N4BP1: variants seen among roughly 807,000 people sequenced by gnomAD.
N4BP1 encodes NEDD4 binding protein 1.
In N4BP1, 21 loss-of-function variants were observed where a neutral mutation model predicts 70.9. That is an observed-to-expected ratio of 0.30 (90% CI 0.21 to 0.43). The LOEUF (loss-of-function observed/expected upper bound fraction) is 0.43. Among genes scored for constraint, N4BP1 ranks in the 20% least tolerant of loss-of-function variants. The pLI is 1.00. For synonymous variants in N4BP1, 387 were observed against 394.6 expected, an observed-to-expected ratio of 0.98 and a Z score of 0.23; for missense variants, 936 against 1,069.4, an observed-to-expected ratio of 0.88 and a Z score of 1.74.
rs1964659941 is a variant in N4BP1 at position 48,609,990 on chromosome 16, G to A, written c.-18C>T. On this transcript the variant is annotated 5_prime_UTR_variant, in exon 1 of 7. Coordinates refer to ENST00000262384, the MANE Select transcript of N4BP1 (RefSeq NM_153029.4). The stretch of plus-strand genomic sequence containing the variant: ...GCCGCCATGGCGGGCGCGGCCTCCC[G>A]CGGCGGCGCCGGGGGCCGGCGGCGG... 3.4e-6 allele frequency: 4 copies of A among 1,180,082 alleles called. No homozygotes were observed. The highest frequency in any genetic ancestry group is 4.1e-5 in the South Asian group (1 of 24,106). The allele number at this position is 1,180,082 out of a possible 1,614,324, so 73.1% of individuals were successfully genotyped here.
In N4BP1 at chr16:48,560,896, A is replaced by T. The variant is rs755756184; in HGVS notation, c.1747T>A (p.Ser583Thr). 3.1e-6 allele frequency: 5 copies of T among 1,614,008 alleles called. No homozygotes were observed. In the South Asian group the frequency reaches 5.5e-5, roughly 18 times the overall value. The change falls in exon 2 of 7, where the codon TCT (serine) becomes ACT (threonine). Residue 583 changes from serine (S) to threonine (T), a missense_variant. Physicochemically the swap from Ser to Thr is moderately conservative, Grantham distance 58. This residue lies in a region of N4BP1 where 515 missense variants were observed against 491.7 expected (regional missense o/e 1.05). Transcript: ENST00000262384. ...GTAACTGAGGAATCAATATGATCAG[A>T]AGGTCCTGCCGACCTTGCATCAGTA... ...SVTDARSAGP[S>T]DHIDSSVTGV...
chr16:48,608,670 G>C (rs1480549267), intron 1 of N4BP1, among the ~76,000 whole-genome samples: 1 of 150,544 alleles, frequency 6.6e-6, no homozygotes, highest in African/African-American at 2.4e-5. Flanking sequence ...GGGGGAAGTA[G>C]ATAGAGGTGC....
chr16:48,609,137 CCCGGGAAGT>C (rs1361502922), intron 1 of N4BP1, among the ~76,000 whole-genome samples: 1 of 152,016 alleles, frequency 6.6e-6, no homozygotes, highest in East Asian at 1.9e-4. Flanking sequence ...ATCACTTGAG[CCCGGGAAGT>C]CGAGGCTGCA....
At chr16:48,584,180 G>C (rs1019731031) in intron 1 of N4BP1, among the ~76,000 whole-genome samples, 1 of 152,180 alleles carries the variant, frequency 6.6e-6, no homozygotes, top group Non-Finnish European at 1.5e-5. Context: ...CTGACCATAT[G>C]GTGATCTGTC....
At chr16:48,543,799 G>A (rs1157307970) in intron 6 of N4BP1, among the ~76,000 whole-genome samples, 3 of 152,122 alleles carry the variant, frequency 2.0e-5, no homozygotes, top group Non-Finnish European at 4.4e-5. Context: ...CCTCCCACTG[G>A]ACTCGGCCTG....
At chr16:48,552,467 AGGTGGGT>A (rs1224854112) in intron 3 of N4BP1, among the ~76,000 whole-genome samples, 4 of 151,850 alleles carry the variant, frequency 2.6e-5, no homozygotes, top group Non-Finnish European at 5.9e-5. Flanking sequence ...TGGGAGGGTG[AGGTGGGT>A]GGATAACAAG....
intron 1 of N4BP1, among the ~76,000 whole-genome samples, chr16:48,563,132 T>C (rs1481288959): frequency 6.6e-6 from 1 of 151,636 alleles, no homozygotes; most frequent in Non-Finnish European, 1.5e-5. Context: ...GGTATTGAAA[T>C]AAAAAATTTA....
intron 1 of N4BP1, among the ~76,000 whole-genome samples, chr16:48,567,610 T>C (rs2354579): frequency 0.4 from 61,324 of 152,062 alleles, 13,333 homozygotes; most frequent in African/African-American, 0.56. Context: ...AGAGCCACCA[T>C]GCTCGGCCCC....
chr16:48,607,174 C>A (rs1964595547), intron 1 of N4BP1, among the ~76,000 whole-genome samples: 1 of 152,180 alleles, frequency 6.6e-6, no homozygotes, highest in South Asian at 2.1e-4. Flanking sequence ...AACTGTAAGA[C>A]ACACCTTTCC....
chr16:48,568,355 T>C (rs1963970994), intron 1 of N4BP1, among the ~76,000 whole-genome samples: 2 of 152,268 alleles, frequency 1.3e-5, no homozygotes, highest in African/African-American at 2.4e-5. Flanking sequence ...TCATACATTA[T>C]ATTTACATGC....
At chr16:48,581,268 C>T (rs1337614637) in intron 1 of N4BP1, among the ~76,000 whole-genome samples, 1 of 150,090 alleles carries the variant, frequency 6.7e-6, no homozygotes, top group Admixed American at 6.6e-5. Context: ...AAAATCCCAA[C>T]ACTTCAACAC....
intron 4 of N4BP1, 76 bp downstream of exon 4, chr16:48,551,310 G>A (rs896428540): frequency 2.4e-5 from 25 of 1,062,982 alleles, no homozygotes; most frequent in Non-Finnish European, 3.5e-5. Context: ...TAAAAGTGTG[G>A]ACCTGTCCAG....
intron 6 of N4BP1, 29 bp downstream of exon 6, chr16:48,546,118 A>C (rs767301645): frequency 6.9e-7 from 1 of 1,442,522 alleles, no homozygotes; most frequent in Non-Finnish European, 9.7e-7. Flanking sequence ...TAGAAGTTTT[A>C]ATACAAGACA....
At position 48,609,813 on chromosome 16, in the gene N4BP1, G is replaced by A. The variant is rs763900128; in HGVS notation, c.160C>T (p.Gln54Ter). Reference sequence around the variant, plus strand: ...ACCGCCTCCTGCGCCCCGCAGAGCTGCAGCCAGATGCGCGCGGGCAGCGGC... The same window carrying A: ...ACCGCCTCCTGCGCCCCGCAGAGCTACAGCCAGATGCGCGCGGGCAGCGGC... ...EEPLPARIWL[Q>*]LCGAQEAVHS... The change falls in exon 1 of 7, where the codon CAG (glutamine) becomes TAG (stop). Residue 54 changes from glutamine to a stop codon, truncating the protein, a stop_gained. Transcript: ENST00000262384. LOFTEE classifies it high-confidence loss of function. 1 of 1,484,522 alleles carries A rather than the reference G, an allele frequency of 6.7e-7. No individual in the cohort carries two copies. The highest frequency in any genetic ancestry group is 2.2e-4 in the Middle Eastern group (1 of 4,576). 92.0% of individuals were successfully genotyped at this position (1,484,522 alleles called of 1,614,324 possible).
At chr16:48,582,193 G>GT (rs1964183551) in intron 1 of N4BP1, among the ~76,000 whole-genome samples, 2 of 152,200 alleles carry the variant, frequency 1.3e-5, no homozygotes, top group Admixed American at 6.5e-5. Flanking sequence ...ACAGTAGTGA[G>GT]TCCCCCCTTA....
At chr16:48,557,973 A>C (rs1272794135) in intron 2 of N4BP1, among the ~76,000 whole-genome samples, 6 of 152,028 alleles carry the variant, frequency 3.9e-5, no homozygotes, top group African/African-American at 1.2e-4. Context: ...TCCAACTTCC[A>C]AAAAAAATTG....
At chr16:48,555,792 C>G (rs981710925) in intron 2 of N4BP1, among the ~76,000 whole-genome samples, 2 of 152,198 alleles carry the variant, frequency 1.3e-5, no homozygotes, top group Non-Finnish European at 2.9e-5. Context: ...CACAACAGAA[C>G]AACCTGCTGG....
At chr16:48,548,585 G>A (rs933518888) in intron 4 of N4BP1, among the ~76,000 whole-genome samples, 15 of 152,080 alleles carry the variant, frequency 9.9e-5, no homozygotes, top group Admixed American at 6.5e-4. Flanking sequence ...GGTGGCTCAC[G>A]CCTGTAATCC....
intron 1 of N4BP1, among the ~76,000 whole-genome samples, chr16:48,590,171 C>A (rs1019766117): frequency 1.3e-5 from 2 of 152,122 alleles, no homozygotes; most frequent in Non-Finnish European, 2.9e-5. Context: ...GCTGACACCA[C>A]CCAGATCCAT....
Sources: gnomAD v4.1 joint callset for allele counts (sites outside exome capture counted in the v4.1 genomes callset) on GRCh38, gnomAD v4.1.1 for gene constraint, gnomAD v4.1.1 regional missense constraint, MANE v1.5 for transcripts, NCBI Gene and HGNC (gene_info 2026-07-23, HGNC 2026-07-21) for gene names.